Variants in ARHGAP28 observed in about 807,000 individuals in gnomAD.
ARHGAP28 encodes the protein rho GTPase-activating protein 28.
ARHGAP28 carries 56 observed loss-of-function variants against 90.7 expected under a neutral mutation model. That is an observed-to-expected ratio of 0.62 (90% CI 0.50 to 0.77). The LOEUF is 0.77. ARHGAP28 is among the 30% of genes least tolerant of loss of function. The pLI, the probability that ARHGAP28 is intolerant of heterozygous loss-of-function variation, is 0.00. For synonymous variants in ARHGAP28, 308 were observed against 323.3 expected (o/e 0.95, Z 0.51); for missense variants, 869 against 900.9 (o/e 0.96, Z 0.45).
chr18:6,747,343 T>A (rs1213580818), intron 1 of ARHGAP28, among the ~76,000 whole-genome samples: 1 of 151,960 alleles, frequency 6.6e-6, no homozygotes, highest in Non-Finnish European at 1.5e-5. Context: ...GGAGAGGGAG[T>A]CAATAATTCA....
rs539046993 is a variant in ARHGAP28, at chr18:6,878,673, C to T, written c.1290+2465C>T. Among the ~76,000 whole-genome samples the T allele has an allele frequency of 9.9e-5, 15 of 152,268 alleles. No individual in the cohort carries two copies. The South Asian group carries it at 2.5e-3, about 25-fold the overall frequency. On this transcript the variant is annotated intron_variant, in intron 10 of 17. Transcript: ENST00000383472. ...CATACAGGTCAGTCTTTTTTCTCCC[C>T]TACCCAGTTTTATGTAGTTTCAGCC...
intron 1 of ARHGAP28, among the ~76,000 whole-genome samples, chr18:6,817,290 G>T (rs941638851): frequency 7.9e-5 from 12 of 151,732 alleles, no homozygotes; most frequent in African/African-American, 2.9e-4. Flanking sequence ...CTGCACTCCA[G>T]CCTGAGCTAC....
chr18:6,899,351 G>A (rs951491735), intron 16 of ARHGAP28, among the ~76,000 whole-genome samples: 1 of 152,110 alleles, frequency 6.6e-6, no homozygotes, highest in Admixed American at 6.5e-5. Flanking sequence ...TGAGTTCTGG[G>A]AGTTTCCTTA....
At chr18:6,898,417 G>T (rs1567987253) in intron 16 of ARHGAP28, 6 of 1,347,806 alleles carry the variant, frequency 4.5e-6, no homozygotes, top group Non-Finnish European at 6.4e-6. Context: ...ACATTAACCC[G>T]TTTTCCACTT....
chr18:6,824,494 G>A (rs1301993486), intron 1 of ARHGAP28, among the ~76,000 whole-genome samples: 7 of 151,934 alleles, frequency 4.6e-5, no homozygotes, highest in Non-Finnish European at 8.8e-5. Context: ...CCGAGATCGC[G>A]CCACCATACT....
At chr18:6,907,702 G>C (rs1315742583) in intron 16 of ARHGAP28, among the ~76,000 whole-genome samples, 3 of 152,152 alleles carry the variant, frequency 2.0e-5, no homozygotes, top group African/African-American at 7.2e-5. Context: ...GGCAACAGGG[G>C]GTGCCTTGTG....
chr18:6,868,294 C>T, intron 6 of ARHGAP28, 60 bp downstream of exon 6: 1 of 1,435,424 alleles, frequency 7.0e-7, no homozygotes, highest in Non-Finnish European at 9.8e-7. Flanking sequence ...TTCTGGCACT[C>T]AATACAGTTA....
At chr18:6,839,444 C>T (rs937138117) in intron 3 of ARHGAP28, among the ~76,000 whole-genome samples, 1 of 152,100 alleles carries the variant, frequency 6.6e-6, no homozygotes, top group Non-Finnish European at 1.5e-5. Flanking sequence ...TAGGCGCCAG[C>T]CACCACGCCT....
At position 6,729,956 on chromosome 18, in the gene ARHGAP28, G is replaced by C. The variant is rs1335516364; in HGVS notation, c.122+13G>C. ...ACCCGCTCAGCAGGTACCCGGAGCC[G>C]CTCCCACCAGGGCGGCGCAGTCGCG... On this transcript the variant is annotated intron_variant, in intron 1 of 17. Transcript: ENST00000383472. 3.7e-6 allele frequency: 5 copies of C among 1,345,762 alleles called. No homozygotes were observed. The highest frequency in any genetic ancestry group is 2.7e-4 in the Middle Eastern group (1 of 3,654). The allele number at this position is 1,345,762 out of a possible 1,614,324, so 83.4% of individuals were successfully genotyped here. A position where few individuals can be genotyped will look rare whatever the true frequency, so the allele number is the denominator to read the frequency against.
intron 16 of ARHGAP28, among the ~76,000 whole-genome samples, chr18:6,901,202 ACAT>A (rs1166095072): frequency 6.6e-6 from 1 of 152,222 alleles, no homozygotes; most frequent in African/African-American, 2.4e-5. Context: ...GGAGAGGAGA[ACAT>A]CAGAATGGGT....
In ARHGAP28 at chr18:6,885,128, C is replaced by T. The variant is rs114356387; in HGVS notation, c.1454-2029C>T. ...TCATTACTGCCTATCTGACTACAGC[C>T]AGTACATTTCACTGAAGGGAGAGGT... On this transcript the variant is annotated intron_variant, in intron 11 of 17. Transcript: ENST00000383472. 2.3e-3 allele frequency among the ~76,000 whole-genome samples: 357 copies of T among 152,254 alleles called. 2 individuals are homozygous for T. Among genetic ancestry groups the T allele is most frequent in the African/African-American group, 8.2e-3 (342 of 41,542 alleles).
At chr18:6,786,717 A>G (rs2056367551) in intron 1 of ARHGAP28, among the ~76,000 whole-genome samples, 1 of 152,206 alleles carries the variant, frequency 6.6e-6, no homozygotes, top group African/African-American at 2.4e-5. Flanking sequence ...AAGAACTGCC[A>G]TTCAAAGCTT....
chr18:6,811,180 C>T (rs1056282869), intron 1 of ARHGAP28, among the ~76,000 whole-genome samples: 4 of 152,146 alleles, frequency 2.6e-5, no homozygotes, highest in African/African-American at 9.7e-5. Flanking sequence ...GAAGGATATT[C>T]CTGGATTCTT....
intron 2 of ARHGAP28, among the ~76,000 whole-genome samples, chr18:6,829,483 A>G (rs2056699108): frequency 1.3e-5 from 2 of 152,188 alleles, no homozygotes; most frequent in Non-Finnish European, 2.9e-5. Context: ...CAGACCTACT[A>G]ATTACAGTTT....
chr18:6,872,175 C>G (rs2057095207), intron 7 of ARHGAP28, among the ~76,000 whole-genome samples: 1 of 152,192 alleles, frequency 6.6e-6, no homozygotes, highest in African/African-American at 2.4e-5. Context: ...CCCTGCATCT[C>G]CTCATCGAAG....
intron 3 of ARHGAP28, among the ~76,000 whole-genome samples, chr18:6,841,190 T>TCTCCTCTCTCTCTCTC (rs1555631506): frequency 1.5e-5 from 1 of 66,540 alleles, no homozygotes; most frequent in Non-Finnish European, 2.8e-5. Context: ...CCTCTCTCTC[T>TCTCCTCTCTCTCTCTC]CTCTCTCTCT....
At chr18:6,761,356 A>G (rs2056158677) in intron 1 of ARHGAP28, among the ~76,000 whole-genome samples, 2 of 152,250 alleles carry the variant, frequency 1.3e-5, no homozygotes, top group Admixed American at 6.5e-5. Flanking sequence ...CATGTGCATT[A>G]GTAAACATGG....
intron 1 of ARHGAP28, among the ~76,000 whole-genome samples, chr18:6,806,020 G>A (rs2056516553): frequency 6.6e-6 from 1 of 151,994 alleles, no homozygotes; most frequent in South Asian, 2.1e-4. Context: ...AAGTAGCTGG[G>A]ACTACAGGCA....
intron 3 of ARHGAP28, among the ~76,000 whole-genome samples, chr18:6,850,226 A>G (rs1034209502): frequency 1.3e-5 from 2 of 152,158 alleles, no homozygotes; most frequent in South Asian, 2.1e-4. Context: ...GATCTCTCTA[A>G]AATTATTAAA....
Sources: allele counts gnomAD v4.1 joint callset (sites outside exome capture counted in the v4.1 genomes callset), GRCh38; gene constraint gnomAD v4.1.1; transcripts MANE v1.5; gene names NCBI Gene and HGNC (gene_info 2026-07-23, HGNC 2026-07-21).